The following DUOXA1 variants were observed in gnomAD, a reference collection of about 807,000 sequenced individuals.
DUOXA1 encodes the protein dual oxidase maturation factor 1, also known as dual oxidase activator 1.
DUOXA1 carries 19 observed loss-of-function variants against 26.6 expected under a neutral mutation model. That is an observed-to-expected ratio of 0.71 (90% confidence interval 0.50 to 1.05). DUOXA1 has a LOEUF of 1.05. Ranked by LOEUF, DUOXA1 falls within the 50% of genes least tolerant of loss-of-function variation. The pLI, the probability that DUOXA1 is intolerant of heterozygous loss-of-function variation, is 0.00. For synonymous variants in DUOXA1, 166 were observed against 177.0 expected (o/e 0.94, Z 0.49); for missense variants, 403 against 427.5 (o/e 0.94, Z 0.51).
At chr15:45,123,329 G>A (rs1895407701) in intron 3 of DUOXA1, among the ~76,000 whole-genome samples, 1 of 152,108 alleles carries the variant, frequency 6.6e-6, no homozygotes. Flanking sequence ...CACCCTGGGG[G>A]CTTCTCTGTT....
chr15:45,120,991 T>C (rs1487857522), intron 6 of DUOXA1, 96 bp downstream of exon 6: 2 of 1,573,756 alleles, frequency 1.3e-6, no homozygotes, highest in African/African-American at 1.4e-5. Context: ...TCCCAGCCCC[T>C]GTGCCAGGCA....
Position 45,123,081 on chromosome 15 carries a change from A to G in DUOXA1, c.-29-38T>C, listed in dbSNP as rs958804516. 3.3e-6 allele frequency: 5 copies of G among 1,523,142 alleles called. No individual in the cohort carries two copies. In the African/African-American group the frequency reaches 4.2e-5, roughly 13 times the overall value. 94.4% of individuals were successfully genotyped at this position (1,523,142 alleles called of 1,614,324 possible). A position where few individuals can be genotyped will look rare whatever the true frequency, so the allele number is the denominator to read the frequency against. The stretch of plus-strand genomic sequence containing the variant: ...AATAGACATTTATTGCATGCCCTCA[A>G]TGTACCTGGCACTGTTTTTAGTGCT... On this transcript the variant is annotated intron_variant, in intron 3 of 8. Transcript: ENST00000560572.
In DUOXA1 at chr15:45,122,948, T is replaced by A; in HGVS notation, c.67A>T (p.Thr23Ser). ...AAGATCATGATGATGCTGGCCAAAG[T>A]GGTGTCCATCGGGAAGGTTGGCTTG... ...GPKPTFPMDT[T>S]LASIIMIFLT... The change falls in exon 4 of 9, where the codon ACT becomes TCT. Residue 23 changes from threonine to serine, a missense_variant. Thr to Ser is a moderately conservative substitution (Grantham distance 58). Coordinates refer to ENST00000560572, the MANE Select transcript of DUOXA1 (RefSeq NM_001276266.2). 6.2e-7 allele frequency: 1 copy of A among 1,613,384 alleles called. No homozygotes were observed. The highest frequency in any genetic ancestry group is 8.5e-7 in the Non-Finnish European group (1 of 1,179,746).
At chr15:45,128,444 C>G (rs1399460607) in intron 3 of DUOXA1, among the ~76,000 whole-genome samples, 1 of 152,212 alleles carries the variant, frequency 6.6e-6, no homozygotes, top group Non-Finnish European at 1.5e-5. Context: ...TAATGCACAG[C>G]TACTGCAATG....
intron 7 of DUOXA1, 107 bp from the exon 8 acceptor site, chr15:45,120,427 T>C (rs1349446375): frequency 1.5e-5 from 22 of 1,483,368 alleles, no homozygotes; most frequent in Non-Finnish European, 1.8e-5. Flanking sequence ...CCCAAAGATA[T>C]GAGGTAGGGA....
chr15:45,127,475 A>G (rs1895769675), intron 3 of DUOXA1, among the ~76,000 whole-genome samples: 1 of 152,240 alleles, frequency 6.6e-6, no homozygotes, highest in African/African-American at 2.4e-5. Flanking sequence ...AGAAGCAAAA[A>G]AACAGTTGGT....
rs1894727064 is a variant in DUOXA1, at chr15:45,117,567, T to C, written c.*1539A>G. The C allele has an allele frequency of 7.5e-6, 12 of 1,596,820 alleles. No individual in the cohort carries two copies. The highest frequency in any genetic ancestry group is 1.7e-5 in the Admixed American group (1 of 57,342). On this transcript the variant is annotated 3_prime_UTR_variant, in exon 9 of 9. Coordinates refer to ENST00000560572, the MANE Select transcript of DUOXA1 (RefSeq NM_001276266.2). ...AACACAAGGGGTAGGCTCCAAAAGA[T>C]GGAAGAAGGCCCGGGCATCACGCCT... is the stretch of plus-strand genomic sequence containing the variant.
intron 5 of DUOXA1, 55 bp downstream of exon 5, chr15:45,122,130 G>T: frequency 6.5e-7 from 1 of 1,547,900 alleles, no homozygotes; most frequent in Non-Finnish European, 8.8e-7. Context: ...GCAGGCTGCT[G>T]AGGGAGTTGA....
Position 45,117,834 on chromosome 15 carries a change from A to T in DUOXA1, c.*1272T>A. 2 of 1,613,736 alleles carry T rather than the reference A, an allele frequency of 1.2e-6. No homozygotes were observed. Among genetic ancestry groups the T allele is most frequent in the Non-Finnish European group, 1.7e-6 (2 of 1,180,032 alleles). On this transcript the variant is annotated 3_prime_UTR_variant, in exon 9 of 9. Coordinates refer to ENST00000560572, the MANE Select transcript of DUOXA1 (RefSeq NM_001276266.2). ...ACTGCAGCCAGGAGAGAGGGGGCTC[A>T]CCTCTTATCCTCGGCGACCCACTGC...
Position 45,117,910 on chromosome 15 carries a change from G to T in DUOXA1, c.*1196C>A. 1 of 1,613,344 alleles carries T rather than the reference G, an allele frequency of 6.2e-7. No homozygotes were observed. Among genetic ancestry groups the T allele is most frequent in the Non-Finnish European group, 8.5e-7 (1 of 1,180,036 alleles). On this transcript the variant is annotated 3_prime_UTR_variant, in exon 9 of 9. Transcript: ENST00000560572. ...AAAATGTATCACCACTAACCTGTGAGGGGGACCCAATCTGGACTCCTTCCC... is the reference window on the plus strand; with the variant it reads ...AAAATGTATCACCACTAACCTGTGATGGGGACCCAATCTGGACTCCTTCCC...
chr15:45,117,744 CG>C lies in DUOXA1; in HGVS notation c.*1361del. 6.2e-7 allele frequency: 1 copy of C among 1,613,008 alleles called. No individual in the cohort carries two copies. Among genetic ancestry groups the C allele is most frequent in the Non-Finnish European group, 8.5e-7 (1 of 1,179,168 alleles). ...TCCTGTGCCTCTTCCTCGGAGGGGCCGTGGTGAGTCTCCAGTATGTTCGGCC... is the reference window on the plus strand; with the variant it reads ...TCCTGTGCCTCTTCCTCGGAGGGGCCTGGTGAGTCTCCAGTATGTTCGGCC... On this transcript the variant is annotated 3_prime_UTR_variant, in exon 9 of 9. Transcript: ENST00000560572.
chr15:45,120,401 A>T, intron 7 of DUOXA1, 81 bp from the exon 8 acceptor site: 1 of 1,559,972 alleles, frequency 6.4e-7, no homozygotes, highest in Non-Finnish European at 8.8e-7. Context: ...GCGGAGGTTC[A>T]GGGACCCAAG....
At position 45,119,250 on chromosome 15, in the gene DUOXA1, A is replaced by T. The variant is rs1212713633; in HGVS notation, c.888T>A (p.Ser296Arg). 2.5e-6 allele frequency: 4 copies of T among 1,613,690 alleles called. No individual in the cohort carries two copies. The highest frequency in any genetic ancestry group is 2.2e-5 in the South Asian group (2 of 91,050). Residue 296 changes from serine (S) to arginine (R), a missense_variant, in exon 9 of 9, where the codon AGT becomes AGA. Ser to Arg is a moderately radical substitution (Grantham distance 110). Coordinates refer to ENST00000560572, the MANE Select transcript of DUOXA1 (RefSeq NM_001276266.2). The part of the protein sequence containing the change: ...SVDEDPMLEW[S>R]PEEGGLLSPR... ...GGCTCAGGAGTCCACCTTCCTCAGG[A>T]CTCCACTCCAGCATGGGGTCTTCAT...
At chr15:45,122,341 G>T in intron 4 of DUOXA1, 99 bp from the exon 5 acceptor site, 1 of 1,163,896 alleles carries the variant, frequency 8.6e-7, no homozygotes, top group South Asian at 1.3e-5. Context: ...TTCTAAAGCT[G>T]AGATCACTTG....
chr15:45,123,729 A>G (rs1895439087), intron 3 of DUOXA1, among the ~76,000 whole-genome samples: 2 of 152,256 alleles, frequency 1.3e-5, no homozygotes, highest in Admixed American at 6.5e-5. Context: ...ATGTCCTTCT[A>G]TTCCACACAT....
intron 3 of DUOXA1, 34 bp from the exon 4 acceptor site, chr15:45,123,077 C>T: frequency 6.6e-7 from 1 of 1,524,378 alleles, no homozygotes; most frequent in Non-Finnish European, 8.8e-7. Context: ...ATTGCATGCC[C>T]TCAATGTACC....
intron 6 of DUOXA1, 134 bp downstream of exon 6, chr15:45,120,953 T>C: frequency 6.6e-7 from 1 of 1,515,158 alleles, no homozygotes; most frequent in Non-Finnish European, 9.0e-7. Flanking sequence ...CTTCCTACCA[T>C]GCCTCTGACC....
Position 45,119,102 on chromosome 15 carries a change from A to G in DUOXA1, c.*4T>C, listed in dbSNP as rs1490206483. 1 of 1,569,576 alleles carries G rather than the reference A, an allele frequency of 6.4e-7. No homozygotes were observed. Among genetic ancestry groups the G allele is most frequent in the African/African-American group, 1.4e-5 (1 of 74,040 alleles). On this transcript the variant is annotated 3_prime_UTR_variant, in exon 9 of 9. Transcript: ENST00000560572. ...AGTCCAGGTGGCCTCCACGGGGAGG[A>G]ATGTTATAAAGCACAATCAGGATCT...
chr15:45,121,480 C>A (rs991585240), intron 5 of DUOXA1, among the ~76,000 whole-genome samples: 1 of 152,204 alleles, frequency 6.6e-6, no homozygotes, highest in Non-Finnish European at 1.5e-5. Context: ...AAACATGAAC[C>A]AAAACCATGC....
Sources: allele counts gnomAD v4.1 joint callset (sites outside exome capture counted in the v4.1 genomes callset), GRCh38; gene constraint gnomAD v4.1.1; transcripts MANE v1.5; gene names NCBI Gene and HGNC (gene_info 2026-07-23, HGNC 2026-07-21).